ADARB2: variants seen among roughly 807,000 people sequenced by gnomAD.
ADARB2 encodes the protein inactive double-stranded RNA-specific editase B2.
ADARB2 carries 25 observed loss-of-function variants against 62.2 expected under a neutral mutation model. The observed-to-expected ratio is 0.40, with a 90% CI of 0.29 to 0.56. The LOEUF is 0.56. Ranked by LOEUF, ADARB2 falls within the 20% of genes least tolerant of loss-of-function variation. ADARB2 has a pLI of 0.43. For synonymous variants in ADARB2, 572 were observed against 500.8 expected (o/e 1.14, Z -1.90); for missense variants, 1,071 against 1,077.4 (o/e 0.99, Z 0.08).
Position 1,384,169 on chromosome 10 carries a change from G to T in ADARB2, c.101-5009C>A, listed in dbSNP as rs181293064. Among the ~76,000 whole-genome samples the T allele has an allele frequency of 3.3e-5, 5 of 152,286 alleles. No homozygotes were observed. In the East Asian group the frequency reaches 7.7e-4, roughly 24 times the overall value. ...GTTCATAAACAAGTTACTGGGGTTG[G>T]CTAAAAGCCCCAGGGATAGACGGTG... On this transcript the variant is annotated intron_variant, in intron 1 of 9. Transcript: ENST00000381312.
At chr10:1,242,760 C>G (rs539160236) in intron 4 of ADARB2, among the ~76,000 whole-genome samples, 4 of 146,492 alleles carry the variant, frequency 2.7e-5, no homozygotes, top group Admixed American at 2.7e-4. Flanking sequence ...ACCCTTCACC[C>G]TAACACAGAA....
chr10:1,184,867 A>G lies in ADARB2; in HGVS notation c.2037T>C (p.Tyr679=), dbSNP rs1836729156. The G allele has an allele frequency of 6.2e-7, 1 of 1,612,938 alleles. No homozygotes were observed. The highest frequency in any genetic ancestry group is 8.5e-7 in the Non-Finnish European group (1 of 1,179,562). Residue 679 remains tyrosine, a synonymous_variant, in exon 9 of 10, where the codon TAT becomes TAC. Transcript: ENST00000381312. ...HVLSARWARL[Y]GRLSTRTPSP... is the part of the protein sequence containing the mutation. ...AAGGATGGGTGCGACCTACCCTGCC[A>G]TACAGCCGCGCCCACCGTGCAGACA...
chr10:1,392,951 C>A (rs12261304), intron 1 of ADARB2, among the ~76,000 whole-genome samples: 124 of 150,738 alleles, frequency 8.2e-4, no homozygotes, highest in Middle Eastern at 3.4e-3. Flanking sequence ...TAATTGTGTT[C>A]AAAAAAAAAC....
At chr10:1,653,598 C>A (rs1449195468) in intron 1 of ADARB2, among the ~76,000 whole-genome samples, 17 of 124,390 alleles carry the variant, frequency 1.4e-4, no homozygotes, top group East Asian at 4.9e-4. Context: ...GAGCCACAGT[C>A]TCCACCCAAC....
chr10:1,680,433 G>A (rs1050064565), intron 1 of ADARB2, among the ~76,000 whole-genome samples: 37 of 152,012 alleles, frequency 2.4e-4, no homozygotes, highest in African/African-American at 3.4e-4. Context: ...AGTGTCCTCC[G>A]TAAAGACTGC....
At chr10:1,626,262 T>C (rs4393237) in intron 1 of ADARB2, among the ~76,000 whole-genome samples, 35,770 of 64,002 alleles carry the variant, frequency 0.56, 10,191 homozygotes, top group African/African-American at 0.58. Flanking sequence ...CATCTGCCCA[T>C]GCTCTCTCCT....
At chr10:1,183,439 C>T (rs1420359615) in intron 9 of ADARB2, 70 bp from the exon 10 acceptor site, 4 of 1,564,238 alleles carry the variant, frequency 2.6e-6, no homozygotes, top group Admixed American at 1.7e-5. Context: ...GTGAGTTTTA[C>T]ATGCCAGGCA....
intron 8 of ADARB2, among the ~76,000 whole-genome samples, chr10:1,193,891 T>G (rs1240629217): frequency 6.6e-6 from 1 of 152,236 alleles, no homozygotes; most frequent in Non-Finnish European, 1.5e-5. Flanking sequence ...TTTCAGCAAT[T>G]TAACCACTGA....
intron 3 of ADARB2, among the ~76,000 whole-genome samples, chr10:1,317,759 G>GT (rs984368560): frequency 1.4e-5 from 2 of 146,960 alleles, no homozygotes; most frequent in Admixed American, 6.8e-5. Context: ...GCCTGGGGGG[G>GT]GGTGGGTCAG....
At chr10:1,512,914 GAC>G (rs2131946259) in intron 1 of ADARB2, among the ~76,000 whole-genome samples, 1 of 152,328 alleles carries the variant, frequency 6.6e-6, no homozygotes, top group East Asian at 1.9e-4. Flanking sequence ...ACTTGGTAAA[GAC>G]AATGGGCTCT....
chr10:1,544,402 A>G (rs1336617240), intron 1 of ADARB2, among the ~76,000 whole-genome samples: 1 of 152,190 alleles, frequency 6.6e-6, no homozygotes, highest in Non-Finnish European at 1.5e-5. Context: ...TCCTTGGCCC[A>G]GGGCAGGCTT....
rs890406495 is a variant in ADARB2 at position 1,180,671 on chromosome 10, C to CTGCCCTT, written c.*2521_*2522insAAGGGCA. 1.3e-5 allele frequency: 2 copies of CTGCCCTT among 152,112 alleles called. No homozygotes were observed. The highest frequency in any genetic ancestry group is 4.8e-5 in the African/African-American group (2 of 41,362). 9.4% of individuals were successfully genotyped at this position (152,112 alleles called of 1,614,324 possible). On this transcript the variant is annotated 3_prime_UTR_variant, in exon 10 of 10. Transcript: ENST00000381312. Reference sequence around the variant, plus strand: ...CTCCTTTCCTTACGTGGGGTCCCCTCTGCAGCCCACATCCCCTCTGACAGA... The same window carrying CTGCCCTT: ...CTCCTTTCCTTACGTGGGGTCCCCTCTGCCCTTTGCAGCCCACATCCCCTCTGACAGA...
intron 1 of ADARB2, among the ~76,000 whole-genome samples, chr10:1,608,677 G>A (rs1325833915): frequency 6.7e-6 from 1 of 149,916 alleles, no homozygotes; most frequent in Admixed American, 6.7e-5. Flanking sequence ...AGAAAAAATG[G>A]AAGGAGGAGG....
At chr10:1,493,913 G>A (rs2813406) in intron 1 of ADARB2, among the ~76,000 whole-genome samples, 2 of 151,782 alleles carry the variant, frequency 1.3e-5, no homozygotes, top group African/African-American at 4.8e-5. Flanking sequence ...GCGCCACTAC[G>A]CCTGGCTATT....
At position 1,379,108 on chromosome 10, in the gene ADARB2, A is replaced by G. The variant is rs141430718; in HGVS notation, c.153T>C (p.Pro51=). 16 of 1,613,888 alleles carry G rather than the reference A, an allele frequency of 9.9e-6. No homozygotes were observed. The East Asian group carries it at 3.1e-4, about 31-fold the overall frequency. ...TFLAPFKHLS[P]GITNTEDDDT... is the part of the protein sequence containing the mutation. Reference sequence around the variant, plus strand: ...CGTCATCCTCCGTGTTTGTGATGCCAGGACTCAGGTGCTTGAAAGGAGCGA... The same window carrying G: ...CGTCATCCTCCGTGTTTGTGATGCCGGGACTCAGGTGCTTGAAAGGAGCGA... Residue 51 remains proline, a synonymous_variant, in exon 2 of 10, where the codon CCT becomes CCC. Transcript: ENST00000381312.
At chr10:1,211,950 G>A (rs912159816) in intron 7 of ADARB2, among the ~76,000 whole-genome samples, 1 of 152,172 alleles carries the variant, frequency 6.6e-6, no homozygotes, top group African/African-American at 2.4e-5. Context: ...TTTCAAAACT[G>A]CCTGCACATC....
intron 1 of ADARB2, among the ~76,000 whole-genome samples, chr10:1,515,408 CG>C (rs2131947879): frequency 6.6e-6 from 1 of 152,338 alleles, no homozygotes; most frequent in Admixed American, 6.5e-5. Flanking sequence ...TGGCTGCCGC[CG>C]TGACCCAGTA....
chr10:1,351,705 C>T (rs1164706827), intron 3 of ADARB2, among the ~76,000 whole-genome samples: 4 of 151,980 alleles, frequency 2.6e-5, no homozygotes, highest in Non-Finnish European at 4.4e-5. Context: ...TCACCGTTAC[C>T]CCACTCAATG....
chr10:1,286,784 G>A (rs902088427), intron 3 of ADARB2, among the ~76,000 whole-genome samples: 11 of 152,148 alleles, frequency 7.2e-5, no homozygotes, highest in African/African-American at 2.4e-4. Context: ...CGTCTCTTCC[G>A]TAGGAACAGT....
Sources: allele counts gnomAD v4.1 joint callset (sites outside exome capture counted in the v4.1 genomes callset), GRCh38; gene constraint gnomAD v4.1.1; transcripts MANE v1.5; gene names NCBI Gene and HGNC (gene_info 2026-07-23, HGNC 2026-07-21).